The following LOC400499 variants were observed in gnomAD, a reference collection of about 807,000 sequenced individuals.
the LOC400499 span, chr16:11,390,303 C>T: frequency 3.2e-6 from 4 of 1,232,972 alleles, no homozygotes; most frequent in African/African-American, 3.1e-5. Context: ...CTTTCATGGC[C>T]CCCAGGGCCG....
chr16:11,464,233 C>A, the LOC400499 span, among the ~76,000 whole-genome samples: 1 of 152,222 alleles, frequency 6.6e-6, no homozygotes, highest in African/African-American at 2.4e-5. Flanking sequence ...CACCCTTCTC[C>A]TTCCCTTTTT....
At chr16:11,373,829 A>G in the LOC400499 span, among the ~76,000 whole-genome samples, 12 of 152,036 alleles carry the variant, frequency 7.9e-5, no homozygotes, top group African/African-American at 2.9e-4. Flanking sequence ...CATGTTGGTC[A>G]TGCTGGTCTC....
chr16:11,411,183 C>T, the LOC400499 span: 2 of 399,062 alleles, frequency 5.0e-6, no homozygotes, highest in East Asian at 3.6e-5. Flanking sequence ...GGGCCTGGCC[C>T]CCTCCTGCCT....
chr16:11,448,107 G>A, the LOC400499 span: 4 of 1,523,736 alleles, frequency 2.6e-6, no homozygotes, highest in Non-Finnish European at 3.5e-6. Flanking sequence ...AGAGGGACGG[G>A]CCAGCAGGAC....
At chr16:11,466,254 C>T in the LOC400499 span, among the ~76,000 whole-genome samples, 3 of 152,292 alleles carry the variant, frequency 2.0e-5, no homozygotes, top group African/African-American at 7.2e-5. Context: ...GGTTTTGAGT[C>T]TATACCAGCG....
chr16:11,385,342 C>A, the LOC400499 span: 1 of 1,232,286 alleles, frequency 8.1e-7, no homozygotes, highest in Non-Finnish European at 1.0e-6. Flanking sequence ...AGGATGCTGC[C>A]GCACTGGGTG....
At chr16:11,521,914 G>C in the LOC400499 span, 2 of 399,082 alleles carry the variant, frequency 5.0e-6, no homozygotes, top group Admixed American at 8.8e-5. Context: ...GTCCTCCCCA[G>C]CATCAACGTG....
chr16:11,384,307 A>G, the LOC400499 span: 1 of 1,232,550 alleles, frequency 8.1e-7, no homozygotes, highest in Non-Finnish European at 1.0e-6. Flanking sequence ...ATTGGTGCCC[A>G]GAAGGCCAGC....
chr16:11,383,012 C>G, the LOC400499 span, among the ~76,000 whole-genome samples: 1,998 of 151,988 alleles, frequency 0.013, 42 homozygotes, highest in African/African-American at 0.046. Flanking sequence ...TCTGGGAGGC[C>G]TCAGGAAGCT....
chr16:11,457,790 A>G, the LOC400499 span, among the ~76,000 whole-genome samples: 1 of 152,230 alleles, frequency 6.6e-6, no homozygotes, highest in Non-Finnish European at 1.5e-5. Flanking sequence ...AGATGAACGG[A>G]TAAACAAAAT....
At chr16:11,478,676 T>A in the LOC400499 span, 14 of 399,166 alleles carry the variant, frequency 3.5e-5, no homozygotes, top group Non-Finnish European at 6.2e-5. Flanking sequence ...GCCCCACGCC[T>A]CCGGGTCACC....
chr16:11,462,655 A>C, the LOC400499 span, among the ~76,000 whole-genome samples: 1 of 152,100 alleles, frequency 6.6e-6, no homozygotes, highest in African/African-American at 2.4e-5. Flanking sequence ...GGTCCTGAGC[A>C]CAAGTGATCC....
chr16:11,413,754 G>A, the LOC400499 span, among the ~76,000 whole-genome samples: 577 of 152,304 alleles, frequency 3.8e-3, 3 homozygotes, highest in African/African-American at 0.013. Flanking sequence ...ATCACAGCAG[G>A]TGCTTAAGGA....
At chr16:11,399,281 C>G in the LOC400499 span, 2 of 977,998 alleles carry the variant, frequency 2.0e-6, no homozygotes, top group Non-Finnish European at 2.4e-6. Context: ...TTCCAGAGCC[C>G]TCACCACATC....
chr16:11,485,035 G>A, the LOC400499 span: 1 of 399,040 alleles, frequency 2.5e-6, no homozygotes, highest in Non-Finnish European at 4.4e-6. Context: ...CAAACAGCCT[G>A]TGAGCAATTT....
the LOC400499 span, among the ~76,000 whole-genome samples, chr16:11,488,401 G>C: frequency 5.3e-5 from 8 of 152,142 alleles, no homozygotes; most frequent in African/African-American, 1.9e-4. Flanking sequence ...CAGCATGTAA[G>C]TTTTTTGTTG....
At chr16:11,457,712 C>G in the LOC400499 span, among the ~76,000 whole-genome samples, 1 of 152,010 alleles carries the variant, frequency 6.6e-6, no homozygotes, top group Non-Finnish European at 1.5e-5. Flanking sequence ...GATATTTGCA[C>G]ACTCACGTTC....
the LOC400499 span, chr16:11,446,480 A>C: frequency 7.2e-7 from 1 of 1,390,048 alleles, no homozygotes; most frequent in Non-Finnish European, 9.8e-7. Flanking sequence ...TTTCAATCCT[A>C]TTGAGCGATG....
chr16:11,435,620 G>A, the LOC400499 span: 1 of 399,354 alleles, frequency 2.5e-6, no homozygotes. Context: ...TTTGGCCTCT[G>A]TGGTCTCCCT....
Sources: allele counts gnomAD v4.1 joint callset (sites outside exome capture counted in the v4.1 genomes callset), GRCh38; gene constraint gnomAD v4.1.1; transcripts MANE v1.5.